SERPINA6: variants seen among roughly 807,000 people sequenced by gnomAD.
SERPINA6 encodes corticosteroid-binding globulin.
SERPINA6 carries 19 observed loss-of-function variants against 26.4 expected under a neutral mutation model. The ratio of observed to expected loss-of-function variants is 0.72; its 90% confidence interval spans 0.50 to 1.06. The LOEUF (loss-of-function observed/expected upper bound fraction) is 1.06. SERPINA6 is among the 50% of genes least tolerant of loss of function. SERPINA6 has a pLI of 0.00. For missense variants in SERPINA6, 473 were observed against 504.0 expected, an observed-to-expected ratio of 0.94 and a Z score of 0.59; for synonymous variants, 196 against 199.4, an observed-to-expected ratio of 0.98 and a Z score of 0.14.
intron 2 of SERPINA6, among the ~76,000 whole-genome samples, chr14:94,311,253 A>G (rs1895525569): frequency 6.6e-6 from 1 of 152,176 alleles, no homozygotes; most frequent in Non-Finnish European, 1.5e-5. Flanking sequence ...AGATTATTTG[A>G]GGGTTCTCAA....
At chr14:94,306,872 G>A (rs1895448639) in intron 3 of SERPINA6, among the ~76,000 whole-genome samples, 1 of 152,244 alleles carries the variant, frequency 6.6e-6, no homozygotes, top group Non-Finnish European at 1.5e-5. Context: ...CAAGGCCTTA[G>A]TGTTATTTTT....
chr14:94,314,837 T>C, intron 1 of SERPINA6, 170 bp from the exon 2 acceptor site: 1 of 654,246 alleles, frequency 1.5e-6, no homozygotes, highest in East Asian at 2.7e-5. Flanking sequence ...TTTCCTCATC[T>C]GGAGATATGA....
chr14:94,317,125 C>T (rs1024932040), intron 1 of SERPINA6, among the ~76,000 whole-genome samples: 1 of 152,086 alleles, frequency 6.6e-6, no homozygotes, highest in African/African-American at 2.4e-5. Context: ...AGAACCCTGA[C>T]TAATATAATG....
At chr14:94,318,393 A>C (rs972091475) in intron 1 of SERPINA6, among the ~76,000 whole-genome samples, 1 of 152,348 alleles carries the variant, frequency 6.6e-6, no homozygotes, top group South Asian at 2.1e-4. Context: ...CAAAGTTGAA[A>C]GTCTTGCACT....
rs1002286410 is a variant in SERPINA6 at position 94,309,665 on chromosome 14, C to G, written c.884+71G>C. On this transcript the variant is annotated intron_variant, in intron 3 of 4. Coordinates refer to ENST00000341584, the MANE Select transcript of SERPINA6 (RefSeq NM_001756.4). ...GGAAGGAAGGATGCCCCAGCATACT[C>G]CCTTTCCACGTGCCCCACTTTCTGG... The G allele has an allele frequency of 3.4e-5, 52 of 1,549,700 alleles. 1 individual carries two copies. The highest frequency in any genetic ancestry group is 4.2e-5 in the Non-Finnish European group (47 of 1,129,498).
intron 3 of SERPINA6, among the ~76,000 whole-genome samples, 164 bp from the exon 4 acceptor site, chr14:94,306,382 A>T (rs1215206019): frequency 6.6e-6 from 1 of 152,222 alleles, no homozygotes; most frequent in Non-Finnish European, 1.5e-5. Context: ...GGGACAGAGC[A>T]GGAGGCAGGA....
intron 3 of SERPINA6, 96 bp from the exon 4 acceptor site, chr14:94,306,314 C>A: frequency 7.6e-7 from 1 of 1,321,950 alleles, no homozygotes; most frequent in African/African-American, 1.4e-5. Flanking sequence ...CTTATTTCCT[C>A]ATGCGCTCCC....
chr14:94,310,347 C>G (rs1176141610), intron 2 of SERPINA6, among the ~76,000 whole-genome samples: 1 of 152,122 alleles, frequency 6.6e-6, no homozygotes, highest in African/African-American at 2.4e-5. Context: ...GTTCTGAGGG[C>G]TCTGGAAGTG....
chr14:94,313,683 C>T (rs1468370867), intron 2 of SERPINA6, among the ~76,000 whole-genome samples: 2 of 152,128 alleles, frequency 1.3e-5, no homozygotes, highest in Non-Finnish European at 2.9e-5. Context: ...TCCCAAGGGG[C>T]TGGGTGGGGT....
chr14:94,306,509 A>C (rs566666271), intron 3 of SERPINA6, among the ~76,000 whole-genome samples: 1 of 152,172 alleles, frequency 6.6e-6, no homozygotes, highest in South Asian at 2.1e-4. Flanking sequence ...TGGACCATGG[A>C]GCATTTAAGA....
chr14:94,307,324 T>C (rs1895455601), intron 3 of SERPINA6, among the ~76,000 whole-genome samples: 1 of 151,708 alleles, frequency 6.6e-6, no homozygotes, highest in Admixed American at 6.6e-5. Context: ...TTAAGAGAGG[T>C]TGAGGAATTC....
intron 2 of SERPINA6, among the ~76,000 whole-genome samples, chr14:94,313,562 G>A (rs1220146951): frequency 1.3e-5 from 2 of 152,228 alleles, no homozygotes; most frequent in Admixed American, 6.5e-5. Flanking sequence ...AAGCCTGGAA[G>A]TGCATTCCCC....
intron 3 of SERPINA6, among the ~76,000 whole-genome samples, chr14:94,306,482 T>A (rs903378553): frequency 5.3e-5 from 8 of 152,230 alleles, no homozygotes; most frequent in Non-Finnish European, 7.3e-5. Context: ...TCGAGCTGAT[T>A]CCACCTGGGA....
chr14:94,309,705 C>T (rs749843111), intron 3 of SERPINA6, 31 bp downstream of exon 3: 2 of 1,612,710 alleles, frequency 1.2e-6, no homozygotes, highest in South Asian at 2.2e-5. Context: ...ACGTGCATTG[C>T]AGAAATCAAC....
intron 4 of SERPINA6, among the ~76,000 whole-genome samples, chr14:94,305,820 G>A (rs8015996): frequency 0.31 from 46,441 of 151,912 alleles, 8,448 homozygotes; most frequent in East Asian, 0.92. Context: ...GTGTGGTCTG[G>A]TGGGATGGGT....
intron 3 of SERPINA6, among the ~76,000 whole-genome samples, chr14:94,309,467 A>G (rs1436869432): frequency 6.6e-6 from 1 of 152,234 alleles, no homozygotes; most frequent in Admixed American, 6.5e-5. Context: ...ATGACAATGC[A>G]GAGGGTATGT....
chr14:94,317,994 G>A (rs372241673), intron 1 of SERPINA6, among the ~76,000 whole-genome samples: 2 of 152,142 alleles, frequency 1.3e-5, no homozygotes, highest in East Asian at 3.8e-4. Flanking sequence ...AAAGTTGCAA[G>A]ATATAAAATC....
At chr14:94,307,781 G>T (rs1895464107) in intron 3 of SERPINA6, among the ~76,000 whole-genome samples, 2 of 152,178 alleles carry the variant, frequency 1.3e-5, no homozygotes, top group African/African-American at 4.8e-5. Flanking sequence ...ATAGGGGATT[G>T]CTCAGAAACA....
intron 1 of SERPINA6, among the ~76,000 whole-genome samples, chr14:94,319,406 A>C (rs140849880): frequency 1.3e-5 from 2 of 152,256 alleles, no homozygotes; most frequent in Non-Finnish European, 2.9e-5. Context: ...ACAGTTCTTT[A>C]AAAATTAAAC....
Sources: gnomAD v4.1 joint callset for allele counts (sites outside exome capture counted in the v4.1 genomes callset) on GRCh38, gnomAD v4.1.1 for gene constraint, MANE v1.5 for transcripts, NCBI Gene and HGNC (gene_info 2026-07-23, HGNC 2026-07-21) for gene names.